CSRNP2: variants seen among roughly 807,000 people sequenced by gnomAD.
The protein encoded by CSRNP2 is cysteine and serine rich nuclear protein 2.
CSRNP2 carries 11 observed loss-of-function variants against 36.6 expected under a neutral mutation model. The observed-to-expected ratio is 0.30, with a 90% confidence interval of 0.19 to 0.50. CSRNP2 has a LOEUF of 0.50. Ranked by LOEUF, CSRNP2 falls within the 20% of genes least tolerant of loss-of-function variation. The pLI, the probability that CSRNP2 is intolerant of heterozygous loss-of-function variation, is 0.98. For synonymous variants in CSRNP2, 248 were observed against 275.3 expected (o/e 0.90, Z 0.98); for missense variants, 483 against 691.4 (o/e 0.70, Z 3.38).
chr12:51,076,627 C>T lies in CSRNP2; in HGVS notation c.-66G>A, dbSNP rs1201834863. The T allele has an allele frequency of 1.3e-5, 21 of 1,581,776 alleles. No individual in the cohort carries two copies. The highest frequency in any genetic ancestry group is 1.8e-5 in the Non-Finnish European group (21 of 1,153,154). On this transcript the variant is annotated 5_prime_UTR_variant, in exon 2 of 5. Transcript: ENST00000228515. Reference sequence around the variant, plus strand: ...CCCCAAAGCCCCTACTCACCACCAGCTAGCCAGGTACATTAGGATTCTGCC... The same window carrying T: ...CCCCAAAGCCCCTACTCACCACCAGTTAGCCAGGTACATTAGGATTCTGCC...
intron 2 of CSRNP2, among the ~76,000 whole-genome samples, chr12:51,074,443 G>A (rs917403507): frequency 1.3e-5 from 2 of 152,162 alleles, no homozygotes; most frequent in African/African-American, 4.8e-5. Flanking sequence ...ACTCAGGGAT[G>A]ACCTGTTTGG....
intron 1 of CSRNP2, 25 bp from the exon 2 acceptor site, chr12:51,076,672 GC>G (rs1315050411): frequency 8.0e-7 from 1 of 1,252,876 alleles, no homozygotes; most frequent in African/African-American, 1.5e-5. Flanking sequence ...AAAGGAATCA[GC>G]ATTCCTGTCC....
At chr12:51,069,244 G>A (rs12367727) in intron 3 of CSRNP2, among the ~76,000 whole-genome samples, 9,311 of 151,392 alleles carry the variant, frequency 0.062, 364 homozygotes, top group Non-Finnish European at 0.086. Flanking sequence ...CAAAGTGATG[G>A]GATTACAGGC....
chr12:51,073,674 T>A (rs1299945546), intron 3 of CSRNP2, 149 bp downstream of exon 3: 2 of 781,274 alleles, frequency 2.6e-6, no homozygotes, highest in Non-Finnish European at 4.0e-6. Context: ...TGCAGTGAGC[T>A]AATATCATGC....
In CSRNP2 at chr12:51,067,154, TCAGTATTTAGGAAA is replaced by T. The variant is rs1283406453; in HGVS notation, c.708+505_708+518del. On this transcript the variant is annotated intron_variant, in intron 4 of 4. Transcript: ENST00000228515. The surrounding 1 kb of genome is among the most constrained non-coding windows in gnomAD (Gnocchi z 4.1). ...TCCTGCTTCCTTTTATCTCAAGGAA[TCAGTATTTAGGAAA>T]CAGTATTTAGGAAATACTGTTTAGG... 4.0e-5 allele frequency among the ~76,000 whole-genome samples: 6 copies of T among 149,046 alleles called. No homozygotes were observed. Among genetic ancestry groups the T allele is most frequent in the East Asian group, 3.9e-4 (2 of 5,136 alleles).
intron 3 of CSRNP2, among the ~76,000 whole-genome samples, chr12:51,070,966 T>A (rs995329270): frequency 6.6e-6 from 1 of 151,784 alleles, no homozygotes; most frequent in Non-Finnish European, 1.5e-5. Context: ...CAAGACCCCA[T>A]CTCTACAAAA....
chr12:51,080,135 GGC>G, intron 1 of CSRNP2, among the ~76,000 whole-genome samples: 1 of 1,684 alleles, frequency 5.9e-4, no homozygotes, highest in Admixed American at 0.023. Flanking sequence ...CAAGCAGGCA[GGC>G]AGGCAGGCAG....
At chr12:51,069,500 T>G (rs1938844027) in intron 3 of CSRNP2, among the ~76,000 whole-genome samples, 1 of 149,886 alleles carries the variant, frequency 6.7e-6, no homozygotes, top group Non-Finnish European at 1.5e-5. Flanking sequence ...TTGCCCAGGC[T>G]GGTCTCGAAC....
intron 1 of CSRNP2, among the ~76,000 whole-genome samples, chr12:51,079,118 C>A (rs890816633): frequency 1.1e-4 from 16 of 152,046 alleles, no homozygotes; most frequent in Admixed American, 4.6e-4. Flanking sequence ...CAAACTATCT[C>A]AAGGACAGAA....
In CSRNP2 at chr12:51,064,362, T is replaced by C. The variant is rs1338763453; in HGVS notation, c.1016A>G (p.Glu339Gly). The change falls in exon 5 of 5, where the codon GAA (glutamate) becomes GGA (glycine). Residue 339 changes from glutamate (E) to glycine (G), a missense_variant. Coordinates refer to ENST00000228515, the MANE Select transcript of CSRNP2 (RefSeq NM_030809.3). Reference sequence around the variant, plus strand: ...GGCACTAGAGCCGCTGGAATCTTCTTCTGCCTTGAGCCGCTCCAGTTCCTC... The same window carrying C: ...GGCACTAGAGCCGCTGGAATCTTCTCCTGCCTTGAGCCGCTCCAGTTCCTC... Reference protein sequence around the residue: ...SAEELERLKAEEDSSGSSASL... With the variant: ...SAEELERLKAGEDSSGSSASL... 1 of 1,614,088 alleles carries C rather than the reference T, an allele frequency of 6.2e-7. No individual in the cohort carries two copies. Among genetic ancestry groups the C allele is most frequent in the Non-Finnish European group, 8.5e-7 (1 of 1,180,056 alleles).
chr12:51,067,865 G>A lies in CSRNP2; in HGVS notation c.516C>T (p.Tyr172=). 1 of 1,614,206 alleles carries A rather than the reference G, an allele frequency of 6.2e-7. No individual in the cohort carries two copies. Among genetic ancestry groups the A allele is most frequent in the Non-Finnish European group, 8.5e-7 (1 of 1,180,038 alleles). The change falls in exon 4 of 5, where the codon TAC becomes TAT. Residue 172 remains tyrosine, a synonymous_variant. Transcript: ENST00000228515. The surrounding 1 kb of genome is among the most constrained non-coding windows in gnomAD (Gnocchi z 4.1). Reference sequence around the variant, plus strand: ...TGGTGGGCAGAGGCTGCAGGAAGAAGTAATCATCCACCTCCACATTTTCCA... The same window carrying A: ...TGGTGGGCAGAGGCTGCAGGAAGAAATAATCATCCACCTCCACATTTTCCA... ...IDVENVEVDD[Y]FFLQPLPTKR... is the part of the protein sequence containing the mutation.
chr12:51,073,281 G>A (rs114322690), intron 3 of CSRNP2, among the ~76,000 whole-genome samples: 1 of 152,130 alleles, frequency 6.6e-6, no homozygotes, highest in African/African-American at 2.4e-5. Flanking sequence ...GTGGGGGTTT[G>A]GGAGGGGGAA....
rs551693611 is a variant in CSRNP2, at chr12:51,070,968, T to C, written c.411+2855A>G. Among the ~76,000 whole-genome samples the C allele has an allele frequency of 2.6e-5, 4 of 152,088 alleles. No individual in the cohort carries two copies. The South Asian group carries it at 8.3e-4, about 32-fold the overall frequency. On this transcript the variant is annotated intron_variant, in intron 3 of 4. Transcript: ENST00000228515. ...TTGGGCAACAGAACAAGACCCCATC[T>C]CTACAAAAACTGGCCGGACATGGTG...
At chr12:51,081,321 T>A (rs537779036) in intron 1 of CSRNP2, 23 of 152,132 alleles carry the variant, frequency 1.5e-4, no homozygotes, top group South Asian at 6.2e-4. Flanking sequence ...AATAAATTTT[T>A]TAAAAAAATA....
intron 2 of CSRNP2, among the ~76,000 whole-genome samples, chr12:51,075,490 A>G (rs1268249841): frequency 6.6e-6 from 1 of 152,248 alleles, no homozygotes; most frequent in African/African-American, 2.4e-5. Flanking sequence ...GAACATTTCT[A>G]TCATAACAGA....
In CSRNP2 at chr12:51,063,943, G is replaced by A. The variant is rs1054822450; in HGVS notation, c.1435C>T (p.Pro479Ser). The A allele has an allele frequency of 6.2e-7, 1 of 1,613,272 alleles. No individual in the cohort carries two copies. The highest frequency in any genetic ancestry group is 8.5e-7 in the Non-Finnish European group (1 of 1,179,308). The change falls in exon 5 of 5, where the codon CCC (proline) becomes TCC (serine). Residue 479 changes from proline to serine, a missense_variant. Coordinates refer to ENST00000228515, the MANE Select transcript of CSRNP2 (RefSeq NM_030809.3). ...TCGGGCAATAGAGCTTCTAGGGTGG[G>A]TGTTTTCCCCACCTCTGATTTACAG... ...ALCKSEVGKTPTLEALLPEDC... is the reference protein window; with the variant it reads ...ALCKSEVGKTSTLEALLPEDC...
chr12:51,077,214 G>A (rs1939437589), intron 1 of CSRNP2, among the ~76,000 whole-genome samples: 1 of 152,072 alleles, frequency 6.6e-6, no homozygotes, highest in Non-Finnish European at 1.5e-5. Flanking sequence ...AGAGTAGCTG[G>A]GACTACAAGG....
chr12:51,073,174 G>C (rs937072007), intron 3 of CSRNP2, among the ~76,000 whole-genome samples: 1 of 152,008 alleles, frequency 6.6e-6, no homozygotes, highest in Admixed American at 6.6e-5. Flanking sequence ...AGCTGTGATT[G>C]AGCCACTGCA....
At chr12:51,064,857 C>A (rs927979971) in intron 4 of CSRNP2, among the ~76,000 whole-genome samples, 188 bp from the exon 5 acceptor site, 2 of 152,188 alleles carry the variant, frequency 1.3e-5, no homozygotes, top group Admixed American at 1.3e-4. Context: ...AGACCACTTG[C>A]ATTTCAATCC....
Sources: gnomAD v4.1 joint callset for allele counts (sites outside exome capture counted in the v4.1 genomes callset) on GRCh38, gnomAD v4.1.1 for gene constraint, Gnocchi (gnomAD v3.1) non-coding constraint, MANE v1.5 for transcripts, NCBI Gene and HGNC (gene_info 2026-07-23, HGNC 2026-07-21) for gene names.